EBF3: variants seen among roughly 807,000 people sequenced by gnomAD.
EBF3 encodes transcription factor COE3.
A neutral mutation model predicts 77.1 loss-of-function variants in EBF3; 18 were observed. That is an observed-to-expected ratio of 0.23 (90% CI 0.16 to 0.35). The LOEUF is 0.35. EBF3 is among the 10% of genes least tolerant of loss of function. The probability of loss-of-function intolerance (pLI) is 1.00; values close to 1 mark genes in which losing one functional copy is unlikely to be tolerated. For synonymous variants in EBF3, 350 were observed against 343.5 expected (o/e 1.02, Z -0.21); for missense variants, 558 against 860.0 (o/e 0.65, Z 4.39).
chr10:129,889,556 C>T (rs943131833), intron 6 of EBF3, among the ~76,000 whole-genome samples: 2 of 152,220 alleles, frequency 1.3e-5, no homozygotes, highest in East Asian at 1.9e-4. Context: ...ACCCCCCACC[C>T]GCTAAACAGC....
Position 129,898,097 on chromosome 10 carries a change from G to A in EBF3, c.555-20248C>T, listed in dbSNP as rs1418008894. ...CCAGAGACAAGCATTTTCTAGCTCT[G>A]CATGCATAAAATGAGCTACAGTAGG... On this transcript the variant is annotated intron_variant, in intron 6 of 16. Transcript: ENST00000440978. Among the ~76,000 whole-genome samples, 3 of 152,200 alleles carry A rather than the reference G, an allele frequency of 2.0e-5. No individual in the cohort carries two copies. In the South Asian group the frequency reaches 6.2e-4, roughly 31 times the overall value.
At chr10:129,915,490 AC>A in intron 6 of EBF3, among the ~76,000 whole-genome samples, 1 of 100,246 alleles carries the variant, frequency 1.0e-5, no homozygotes, top group Non-Finnish European at 2.1e-5. Context: ...ACACACACAC[AC>A]ACACACAAAA....
Position 129,873,549 on chromosome 10 carries a change from C to A in EBF3, c.684G>T (p.Val228=). Residue 228 remains valine, a synonymous_variant, in exon 8 of 17, where the codon GTG becomes GTT. Transcript: ENST00000440978. ...TGTTGTGCACAAACATGTTGTCTGA[C>A]ACGGCCAGCACGTGGCCGTCCACGT... ...TVNVDGHVLA[V]SDNMFVHNNS... is the part of the protein sequence containing the mutation. The A allele has an allele frequency of 6.3e-7, 1 of 1,585,194 alleles. No homozygotes were observed. The highest frequency in any genetic ancestry group is 8.6e-7 in the Non-Finnish European group (1 of 1,162,598).
chr10:129,956,989 A>G (rs1163630063), intron 6 of EBF3, among the ~76,000 whole-genome samples: 4 of 152,254 alleles, frequency 2.6e-5, no homozygotes, highest in Non-Finnish European at 4.4e-5. Flanking sequence ...CTCTCTAGGC[A>G]TAAAGTGCTC....
At position 129,864,007 on chromosome 10, in the gene EBF3, G is replaced by A. The variant is rs1220654451; in HGVS notation, c.1039+3134C>T. 1.3e-5 allele frequency among the ~76,000 whole-genome samples: 2 copies of A among 152,182 alleles called. No homozygotes were observed. Among genetic ancestry groups the A allele is most frequent in the Non-Finnish European group, 2.9e-5 (2 of 68,036 alleles). The stretch of plus-strand genomic sequence containing the variant: ...AAGCTTCGGGCAGCCAGGACCCTGA[G>A]CTTGTGCCTGAGAAGCCCAGTCAGC... On this transcript the variant is annotated intron_variant, in intron 10 of 16. Coordinates refer to ENST00000440978, the MANE Select transcript of EBF3 (RefSeq NM_001375380.1). This position sits in a 1 kb window ranked among gnomAD's most constrained non-coding sequence, Gnocchi z 4.4.
Position 129,897,284 on chromosome 10 carries a change from G to A in EBF3, c.555-19435C>T, listed in dbSNP as rs557418774. On this transcript the variant is annotated intron_variant, in intron 6 of 16. Transcript: ENST00000440978. This position sits in a 1 kb window ranked among gnomAD's most constrained non-coding sequence, Gnocchi z 4.6. Reference sequence around the variant, plus strand: ...CACTTGGGCCCCACTTTCCTGCAGGGACCTAGGAGGGTTGAAAGGAGATGA... The same window carrying A: ...CACTTGGGCCCCACTTTCCTGCAGGAACCTAGGAGGGTTGAAAGGAGATGA... 1.6e-4 allele frequency among the ~76,000 whole-genome samples: 24 copies of A among 152,270 alleles called. No individual in the cohort carries two copies. Among genetic ancestry groups the A allele is most frequent in the African/African-American group, 5.8e-4 (24 of 41,562 alleles).
At chr10:129,881,385 A>C (rs1443896802) in intron 6 of EBF3, among the ~76,000 whole-genome samples, 1 of 152,152 alleles carries the variant, frequency 6.6e-6, no homozygotes, top group Non-Finnish European at 1.5e-5. Context: ...CTTTCACAGT[A>C]GGTACCAGAG....
At chr10:129,922,853 T>C (rs1856407285) in intron 6 of EBF3, among the ~76,000 whole-genome samples, 1 of 152,114 alleles carries the variant, frequency 6.6e-6, no homozygotes, top group Admixed American at 6.5e-5. Flanking sequence ...TTGGGGCTCC[T>C]CTCTGCAGAC....
chr10:129,837,790 A>G lies in EBF3; in HGVS notation c.*153T>C. ...TTAATAGTTTAAATAAAATCTTTAA[A>G]CAAAGTCTTTTGTAGCATTTCAATT... is the stretch of plus-strand genomic sequence containing the variant. On this transcript the variant is annotated 3_prime_UTR_variant, in exon 17 of 17. Coordinates refer to ENST00000440978, the MANE Select transcript of EBF3 (RefSeq NM_001375380.1). The G allele has an allele frequency of 1.0e-6, 1 of 974,398 alleles. No individual in the cohort carries two copies. Among genetic ancestry groups the G allele is most frequent in the Non-Finnish European group, 1.5e-6 (1 of 649,044 alleles). The allele number at this position is 974,398 out of a possible 1,614,324, so 60.4% of individuals were successfully genotyped here.
At chr10:129,871,719 G>A (rs563403894) in intron 8 of EBF3, among the ~76,000 whole-genome samples, 5 of 152,212 alleles carry the variant, frequency 3.3e-5, no homozygotes, top group African/African-American at 9.6e-5. Flanking sequence ...CTTGATAACT[G>A]GGTATTAATT....
chr10:129,917,679 A>AAAAAAAAAAC (rs1564887155), intron 6 of EBF3, among the ~76,000 whole-genome samples: 10 of 141,980 alleles, frequency 7.0e-5, no homozygotes, highest in Non-Finnish European at 1.1e-4. Context: ...AAAAAAAAAA[A>AAAAAAAAAAC]CTAAAACCAA....
chr10:129,857,821 G>A (rs1589719544), intron 10 of EBF3, among the ~76,000 whole-genome samples: 1 of 152,108 alleles, frequency 6.6e-6, no homozygotes, highest in South Asian at 2.1e-4. Context: ...TAGCTTCCCC[G>A]CCTCTCAGTA....
Position 129,836,399 on chromosome 10 carries a change from AAAAT to A in EBF3, c.*1540_*1543del, listed in dbSNP as rs1330305867. 5.6e-5 allele frequency: 8 copies of A among 142,330 alleles called. No individual in the cohort carries two copies. The highest frequency in any genetic ancestry group is 2.0e-4 in the African/African-American group (8 of 40,774). 8.8% of individuals were successfully genotyped at this position (142,330 alleles called of 1,614,324 possible). ...GACTTTTTACATTCTACAAAAAAAT[AAAAT>A]AAAATAAGGACACAGCCCCAAACGG... is the stretch of plus-strand genomic sequence containing the variant. On this transcript the variant is annotated 3_prime_UTR_variant, in exon 17 of 17. Transcript: ENST00000440978.
intron 6 of EBF3, among the ~76,000 whole-genome samples, chr10:129,905,821 C>T (rs1855106412): frequency 6.6e-6 from 1 of 152,172 alleles, no homozygotes. Flanking sequence ...AGGCTGCCCT[C>T]GTGGGTTGGG....
intron 8 of EBF3, among the ~76,000 whole-genome samples, chr10:129,871,576 A>G (rs7906847): frequency 0.24 from 37,084 of 152,026 alleles, 4,579 homozygotes; most frequent in Admixed American, 0.26. Flanking sequence ...CACCCCTGCA[A>G]TCTGTCCTGA....
chr10:129,924,983 C>T (rs545951309), intron 6 of EBF3, among the ~76,000 whole-genome samples: 45 of 152,228 alleles, frequency 3.0e-4, no homozygotes, highest in African/African-American at 1.0e-3. Context: ...CTTGCACGTC[C>T]GTGTTCACAG....
chr10:129,898,552 T>G (rs1452322006), intron 6 of EBF3, among the ~76,000 whole-genome samples: 1 of 152,200 alleles, frequency 6.6e-6, no homozygotes, highest in Non-Finnish European at 1.5e-5. Context: ...CAAGCACGGT[T>G]TGCATCCGTC....
At chr10:129,901,714 A>T (rs1218584432) in intron 6 of EBF3, among the ~76,000 whole-genome samples, 1 of 152,240 alleles carries the variant, frequency 6.6e-6, no homozygotes, top group Non-Finnish European at 1.5e-5. Flanking sequence ...TAAATCCTGC[A>T]AATCACTAAA....
At chr10:129,903,992 A>G (rs1361504972) in intron 6 of EBF3, among the ~76,000 whole-genome samples, 1 of 152,028 alleles carries the variant, frequency 6.6e-6, no homozygotes, top group South Asian at 2.1e-4. Flanking sequence ...AGTTGCTGCC[A>G]CTCTCAGAAG....
Sources: allele counts gnomAD v4.1 joint callset (sites outside exome capture counted in the v4.1 genomes callset), GRCh38; gene constraint gnomAD v4.1.1; non-coding constraint Gnocchi (gnomAD v3.1); transcripts MANE v1.5; gene names NCBI Gene and HGNC (gene_info 2026-07-23, HGNC 2026-07-21).